Variants in SMARCC1 observed in about 807,000 individuals in gnomAD.
The protein encoded by SMARCC1 is SWI/SNF related BAF chromatin remodeling complex subunit C1, also known as SWI/SNF complex subunit SMARCC1.
Under a neutral mutation model 147.4 loss-of-function variants are expected in SMARCC1, and 43 were observed. The ratio of observed to expected loss-of-function variants is 0.29; its 90% CI spans 0.23 to 0.38. The LOEUF is 0.38. SMARCC1 is among the 10% of genes least tolerant of loss of function. SMARCC1 has a pLI of 1.00. For synonymous variants in SMARCC1, 495 were observed against 484.4 expected (o/e 1.02, Z -0.29); for missense variants, 1,119 against 1,381.1 (o/e 0.81, Z 3.01).
intron 21 of SMARCC1, among the ~76,000 whole-genome samples, chr3:47,652,937 C>T (rs536450581): frequency 1.7e-4 from 25 of 148,430 alleles, no homozygotes; most frequent in Non-Finnish European, 3.1e-4. Context: ...AGTGTTCATC[C>T]AGCTTTACTT....
intron 1 of SMARCC1, among the ~76,000 whole-genome samples, chr3:47,778,602 C>T (rs1343177086): frequency 6.6e-6 from 1 of 152,118 alleles, no homozygotes; most frequent in Non-Finnish European, 1.5e-5. Context: ...CGGACGCAAG[C>T]CACTGCACCT....
chr3:47,680,489 G>A lies in SMARCC1; in HGVS notation c.1405C>T (p.Arg469Cys), dbSNP rs1356030596. 11 of 1,598,896 alleles carry A rather than the reference G, an allele frequency of 6.9e-6. No homozygotes were observed. Among genetic ancestry groups the A allele is most frequent in the African/African-American group, 6.7e-5 (5 of 74,114 alleles). ...CCATTGAAGAACTCAGGAAGAGCAC[G>A]CCGTTCAATCACATGAATACTGAAA... The part of the protein sequence containing the change: ...DYNCIHVIER[R>C]ALPEFFNGKN... Residue 469 changes from arginine to cysteine, a missense_variant, in exon 15 of 28, where the codon CGT becomes TGT. By Grantham distance (180) the Arg-to-Cys change is radical. Coordinates refer to ENST00000254480, the MANE Select transcript of SMARCC1 (RefSeq NM_003074.4).
At chr3:47,779,239 T>C (rs1394015561) in intron 1 of SMARCC1, among the ~76,000 whole-genome samples, 2 of 150,584 alleles carry the variant, frequency 1.3e-5, no homozygotes. Flanking sequence ...CTCAAAAAAA[T>C]AAAGTAAAAT....
At chr3:47,702,241 A>AAC (rs1383935981) in intron 10 of SMARCC1, among the ~76,000 whole-genome samples, 1 of 151,624 alleles carries the variant, frequency 6.6e-6, no homozygotes, top group Non-Finnish European at 1.5e-5. Flanking sequence ...AAAAAAAAAA[A>AAC]AAAAACCCCA....
intron 14 of SMARCC1, 26 bp from the exon 15 acceptor site, chr3:47,680,534 T>C (rs756821297): frequency 2.0e-6 from 2 of 982,152 alleles, no homozygotes; most frequent in Middle Eastern, 2.4e-4. Flanking sequence ...AAAAAAGATT[T>C]AGGAGTGTTC....
At chr3:47,663,216 A>G (rs1483922685) in intron 19 of SMARCC1, among the ~76,000 whole-genome samples, 10 of 42,120 alleles carry the variant, frequency 2.4e-4, no homozygotes, top group African/African-American at 6.0e-4. Context: ...GGAGGGGAGG[A>G]AGGAAGGAAG....
At chr3:47,651,730 T>C (rs1472059779) in intron 21 of SMARCC1, among the ~76,000 whole-genome samples, 2 of 152,240 alleles carry the variant, frequency 1.3e-5, no homozygotes, top group Admixed American at 6.5e-5. Context: ...TCTTCATATA[T>C]AATTACATCT....
chr3:47,615,918 A>C (rs550961269), intron 25 of SMARCC1, among the ~76,000 whole-genome samples: 143 of 152,292 alleles, frequency 9.4e-4, no homozygotes, highest in African/African-American at 3.3e-3. Flanking sequence ...TCCTGACATC[A>C]GGTGATCCAC....
intron 26 of SMARCC1, among the ~76,000 whole-genome samples, chr3:47,595,011 C>A (rs2032248241): frequency 6.6e-6 from 1 of 152,108 alleles, no homozygotes. Context: ...GTGGAAGCAC[C>A]GTTTGCAACA....
At chr3:47,738,464 T>C (rs776019381) in intron 3 of SMARCC1, among the ~76,000 whole-genome samples, 1 of 152,068 alleles carries the variant, frequency 6.6e-6, no homozygotes, top group Non-Finnish European at 1.5e-5. Context: ...GGCGGGTGGA[T>C]CAAGAGATCA....
chr3:47,663,181 AGAGGG>A (rs1335397749), intron 19 of SMARCC1, among the ~76,000 whole-genome samples: 2 of 47,374 alleles, frequency 4.2e-5, no homozygotes, highest in African/African-American at 1.7e-4. Flanking sequence ...AGAGGAGGGG[AGAGGG>A]GAGGGGAGGG....
intron 6 of SMARCC1, among the ~76,000 whole-genome samples, chr3:47,723,788 G>C (rs779164374): frequency 6.6e-6 from 1 of 151,684 alleles, no homozygotes; most frequent in Non-Finnish European, 1.5e-5. Context: ...TTAGGCCTGG[G>C]CAACAAGAGT....
At chr3:47,676,828 ATGTGCTTT>A (rs1413082912) in intron 16 of SMARCC1, 46 bp from the exon 17 acceptor site, 1 of 1,545,718 alleles carries the variant, frequency 6.5e-7, no homozygotes, top group East Asian at 2.2e-5. Context: ...AATCAACTTC[ATGTGCTTT>A]TACTATCATC....
intron 23 of SMARCC1, 59 bp from the exon 24 acceptor site, chr3:47,635,403 C>T (rs2032955793): frequency 7.0e-7 from 1 of 1,431,762 alleles, no homozygotes; most frequent in South Asian, 1.2e-5. Flanking sequence ...CCATCTTTCT[C>T]CTTACCTCCA....
intron 21 of SMARCC1, among the ~76,000 whole-genome samples, chr3:47,658,160 T>C (rs890040988): frequency 4.6e-5 from 7 of 152,122 alleles, no homozygotes; most frequent in Non-Finnish European, 8.8e-5. Context: ...GTGGATGAAA[T>C]TACTATAATC....
intron 26 of SMARCC1, among the ~76,000 whole-genome samples, chr3:47,608,329 C>T (rs999387891): frequency 1.6e-4 from 24 of 152,282 alleles, no homozygotes; most frequent in African/African-American, 5.8e-4. Flanking sequence ...TCAGGTGATC[C>T]GCCCGCCTCG....
chr3:47,654,586 T>G (rs1223180437), intron 21 of SMARCC1, among the ~76,000 whole-genome samples: 1 of 152,186 alleles, frequency 6.6e-6, no homozygotes, highest in African/African-American at 2.4e-5. Flanking sequence ...GAAAAAGGGT[T>G]TATTTAGCTC....
In SMARCC1 at chr3:47,673,397, GGT is replaced by G. The variant is rs200635490; in HGVS notation, c.1839+2076_1839+2077del. 7.8e-3 allele frequency among the ~76,000 whole-genome samples: 1,030 copies of G among 131,558 alleles called. 249 individuals carry two copies. Among genetic ancestry groups the G allele is most frequent in the African/African-American group, 0.028 (953 of 34,128 alleles). 86.3% of individuals were successfully genotyped at this position (131,558 alleles called of 152,430 possible). On this transcript the variant is annotated intron_variant, in intron 18 of 27. Coordinates refer to ENST00000254480, the MANE Select transcript of SMARCC1 (RefSeq NM_003074.4). ...CGAGACTCTGTCTCAAAAAAAAAAG[GGT>G]GGGGGGGGGGCAGGCCAGTGGCTCA...
rs1385511545 is a variant in SMARCC1 at position 47,689,390 on chromosome 3, T to G, written c.1260A>C (p.Gly420=). 6.2e-7 allele frequency: 1 copy of G among 1,612,794 alleles called. No homozygotes were observed. Among genetic ancestry groups the G allele is most frequent in the African/African-American group, 1.3e-5 (1 of 74,986 alleles). ...EQDEETVTAG[G]KEDEDPAKGD... Reference sequence around the variant, plus strand: ...CCAGGCTTAACTGAATTGTTACCTTTCCTCCTGCTGTGACTGTTTCTTCAT... The same window carrying G: ...CCAGGCTTAACTGAATTGTTACCTTGCCTCCTGCTGTGACTGTTTCTTCAT... Residue 420 remains glycine, a synonymous_variant, in exon 13 of 28, where the codon GGA becomes GGC. Transcript: ENST00000254480.
Sources: allele counts gnomAD v4.1 joint callset (sites outside exome capture counted in the v4.1 genomes callset), GRCh38; gene constraint gnomAD v4.1.1; transcripts MANE v1.5; gene names NCBI Gene and HGNC (gene_info 2026-07-23, HGNC 2026-07-21).